INO80: variants seen among roughly 807,000 people sequenced by gnomAD.
INO80 encodes chromatin-remodeling ATPase INO80.
Under a neutral mutation model 203.4 loss-of-function variants are expected in INO80, and 20 were observed. That is an observed-to-expected ratio of 0.10 (90% CI 0.07 to 0.14). INO80 has a LOEUF of 0.14. Among genes scored for constraint, INO80 ranks in the 10% least tolerant of loss-of-function variants. INO80 has a pLI of 1.00. For synonymous variants in INO80, 726 were observed against 685.2 expected (o/e 1.06, Z -0.93); for missense variants, 1,419 against 1,914.4 (o/e 0.74, Z 4.83).
intron 29 of INO80, among the ~76,000 whole-genome samples, chr15:40,996,346 A>C (rs1230635469): frequency 6.6e-6 from 1 of 152,154 alleles, no homozygotes; most frequent in Non-Finnish European, 1.5e-5. Context: ...TCTTTTTGAG[A>C]CAGTCTCACT....
intron 7 of INO80, among the ~76,000 whole-genome samples, chr15:41,083,010 C>T (rs2045507471): frequency 1.3e-5 from 2 of 151,826 alleles, no homozygotes; most frequent in Non-Finnish European, 2.9e-5. Context: ...AGGCCGGGTG[C>T]AGTGGCTCAC....
intron 25 of INO80, among the ~76,000 whole-genome samples, chr15:41,026,368 C>T (rs2044374667): frequency 6.6e-6 from 1 of 151,954 alleles, no homozygotes; most frequent in African/African-American, 2.4e-5. Flanking sequence ...GCCTGGGCGA[C>T]ATGACAAAAC....
chr15:40,982,747 G>T, intron 35 of INO80, 115 bp downstream of exon 35: 2 of 810,154 alleles, frequency 2.5e-6, no homozygotes, highest in Non-Finnish European at 4.0e-6. Flanking sequence ...CCCAATTGGG[G>T]CTCTAGGAAG....
chr15:41,040,183 C>CA (rs35355682), intron 24 of INO80, among the ~76,000 whole-genome samples: 139 of 148,348 alleles, frequency 9.4e-4, no homozygotes, highest in Admixed American at 1.7e-3. Flanking sequence ...CTGCTGCTAC[C>CA]AAAAAAAAAG....
chr15:41,051,581 C>T (rs1025724011), intron 19 of INO80, among the ~76,000 whole-genome samples: 1 of 151,436 alleles, frequency 6.6e-6, no homozygotes, highest in African/African-American at 2.4e-5. Context: ...GAGGCCAAGG[C>T]AGGAGAATCG....
At chr15:40,981,448 T>TG (rs1214437754) in intron 35 of INO80, among the ~76,000 whole-genome samples, 1 of 151,702 alleles carries the variant, frequency 6.6e-6, no homozygotes. Flanking sequence ...TAAGAAACAC[T>TG]GGGCGAGGCT....
chr15:40,986,573 C>G (rs1421345481), intron 31 of INO80, among the ~76,000 whole-genome samples: 2 of 151,858 alleles, frequency 1.3e-5, no homozygotes, highest in Admixed American at 1.3e-4. Flanking sequence ...ATCCACCTGC[C>G]TCGGCCTCCC....
chr15:40,985,100 G>A (rs536293326), intron 32 of INO80, among the ~76,000 whole-genome samples: 1 of 152,206 alleles, frequency 6.6e-6, no homozygotes, highest in South Asian at 2.1e-4. Context: ...CCTGACAAAT[G>A]GTTTCCATAA....
intron 23 of INO80, among the ~76,000 whole-genome samples, chr15:41,046,781 C>T (rs1334618491): frequency 6.6e-6 from 1 of 151,760 alleles, no homozygotes; most frequent in African/African-American, 2.4e-5. Flanking sequence ...CCACACCCAG[C>T]TAATTTTTGT....
chr15:41,031,545 A>AG (rs1384946595), intron 24 of INO80, among the ~76,000 whole-genome samples: 1 of 2,496 alleles, frequency 4.0e-4, no homozygotes, highest in Non-Finnish European at 1.9e-3. Flanking sequence ...GGAGGAAGGG[A>AG]GGAGGGAGGA....
intron 24 of INO80, among the ~76,000 whole-genome samples, chr15:41,028,773 T>C (rs1037024050): frequency 6.6e-6 from 1 of 152,118 alleles, no homozygotes; most frequent in African/African-American, 2.4e-5. Flanking sequence ...GGGGAATCGT[T>C]TGAACCCAGG....
At chr15:41,056,535 G>T in intron 17 of INO80, 87 bp downstream of exon 17, 2 of 1,076,966 alleles carry the variant, frequency 1.9e-6, no homozygotes, top group Non-Finnish European at 2.8e-6. Flanking sequence ...CAGTAGCACT[G>T]CAAGGGAATG....
chr15:40,982,722 A>G (rs1257672589), intron 35 of INO80, 140 bp downstream of exon 35: 5 of 670,174 alleles, frequency 7.5e-6, no homozygotes, highest in Admixed American at 2.6e-5. Flanking sequence ...AGTGCTTATT[A>G]CAAAGAAGAA....
chr15:40,983,176 G>A, intron 34 of INO80, 99 bp from the exon 35 acceptor site: 1 of 981,744 alleles, frequency 1.0e-6, no homozygotes, highest in Non-Finnish European at 1.5e-6. Context: ...CGAGCTCTTA[G>A]GGCATTTGTT....
At position 41,079,917 on chromosome 15, in the gene INO80, ACAG is replaced by A; in HGVS notation, c.928-16_928-14del. 1 of 1,612,020 alleles carries A rather than the reference ACAG, an allele frequency of 6.2e-7. No homozygotes were observed. Among genetic ancestry groups the A allele is most frequent in the East Asian group, 2.2e-5 (1 of 44,874 alleles). On this transcript the variant is annotated splice_polypyrimidine_tract_variant and intron_variant, in intron 8 of 35. Transcript: ENST00000648947. The stretch of plus-strand genomic sequence containing the variant: ...ACTGGTGAGCAAGCTGAAAACAACA[ACAG>A]CATTACAGCGGAAAGGACCCCATAC...
chr15:41,083,383 T>C (rs537107653), intron 7 of INO80, among the ~76,000 whole-genome samples: 2 of 151,582 alleles, frequency 1.3e-5, no homozygotes, highest in African/African-American at 4.8e-5. Flanking sequence ...AACACCACCA[T>C]ACCAAGGGAT....
chr15:41,051,932 T>C (rs11856577), intron 19 of INO80, among the ~76,000 whole-genome samples: 83,155 of 151,928 alleles, frequency 0.55, 24,721 homozygotes, highest in African/African-American at 0.79. Context: ...CACTCCAGCC[T>C]GGTCGACAGA....
rs768908828 is a variant in INO80, at chr15:41,047,467, G to A, written c.2676C>T (p.Arg892=). The part of the protein sequence containing the change: ...INEESCFSFL[R]FIDISPAEMA... ...TTTCTGCTGGAGATATATCAATAAA[G>A]CGAAGGAAAGAGAAACAGCTTTCTT... is the stretch of plus-strand genomic sequence containing the variant. The change falls in exon 23 of 36, where the codon CGC becomes CGT. Residue 892 remains arginine, a synonymous_variant. Coordinates refer to ENST00000648947, the MANE Select transcript of INO80 (RefSeq NM_017553.3). 1 of 1,612,458 alleles carries A rather than the reference G, an allele frequency of 6.2e-7. No homozygotes were observed. The highest frequency in any genetic ancestry group is 8.5e-7 in the Non-Finnish European group (1 of 1,179,440).
intron 27 of INO80, 134 bp from the exon 28 acceptor site, chr15:41,005,821 C>A (rs1380322769): frequency 9.8e-6 from 5 of 508,438 alleles, no homozygotes; most frequent in Non-Finnish European, 1.8e-5. Context: ...GAGAGAGTAA[C>A]CCCAAGAGTA....
Sources: allele counts gnomAD v4.1 joint callset (sites outside exome capture counted in the v4.1 genomes callset), GRCh38; gene constraint gnomAD v4.1.1; transcripts MANE v1.5; gene names NCBI Gene and HGNC (gene_info 2026-07-23, HGNC 2026-07-21).